Variants in LMF1 observed in about 807,000 individuals in gnomAD.
LMF1 encodes transmembrane protein 112.
A neutral mutation model predicts 60.6 loss-of-function variants in LMF1; 68 were observed. The ratio of observed to expected loss-of-function variants is 1.12; its 90% CI spans 0.92 to 1.37. The LOEUF is 1.37. LMF1 is among the 40% of genes most tolerant of loss of function. The pLI, the probability that LMF1 is intolerant of heterozygous loss-of-function variation, is 0.00. For synonymous variants in LMF1, 418 were observed against 324.7 expected (o/e 1.29, Z -3.09); for missense variants, 948 against 767.2 (o/e 1.24, Z -2.78).
chr16:877,950 A>G (rs889470514), intron 6 of LMF1, among the ~76,000 whole-genome samples: 2 of 152,072 alleles, frequency 1.3e-5, no homozygotes, highest in Non-Finnish European at 2.9e-5. Flanking sequence ...AAAAGAAGTC[A>G]CCTCAGAGCT....
intron 1 of LMF1, chr16:976,392 A>G (rs989137245): frequency 2.2e-6 from 1 of 454,006 alleles, no homozygotes; most frequent in Non-Finnish European, 4.4e-6. Flanking sequence ...TGTACACGGC[A>G]CAGCTGTACT....
intron 4 of LMF1, among the ~76,000 whole-genome samples, chr16:909,298 C>A (rs1359175013): frequency 6.6e-6 from 1 of 152,052 alleles, no homozygotes; most frequent in African/African-American, 2.4e-5. Context: ...GGACAGAGCC[C>A]CGAGCTGAAC....
At chr16:857,050 C>T (rs963510996) in intron 10 of LMF1, among the ~76,000 whole-genome samples, 8 of 152,356 alleles carry the variant, frequency 5.3e-5, no homozygotes, top group Non-Finnish European at 8.8e-5. Flanking sequence ...GCGGGGCAGG[C>T]GATTCTCACG....
intron 10 of LMF1, among the ~76,000 whole-genome samples, chr16:858,824 G>C (rs1596828997): frequency 1.1e-5 from 1 of 94,938 alleles, no homozygotes; most frequent in Non-Finnish European, 2.0e-5. Context: ...ACGGGTGTGA[G>C]TGGTGTCACG....
intron 4 of LMF1, among the ~76,000 whole-genome samples, chr16:893,846 A>C (rs1166807410): frequency 6.6e-6 from 1 of 152,106 alleles, no homozygotes; most frequent in African/African-American, 2.4e-5. Flanking sequence ...GCTGAGACAC[A>C]GATTCACATC....
chr16:855,775 G>A (rs1388521907), intron 10 of LMF1: 3 of 456,034 alleles, frequency 6.6e-6, no homozygotes, highest in African/African-American at 4.0e-5. Context: ...GCTTCACACT[G>A]CACCAGGGCC....
intron 1 of LMF1, among the ~76,000 whole-genome samples, chr16:978,452 T>C (rs1314264867): frequency 6.6e-6 from 1 of 152,080 alleles, no homozygotes; most frequent in Non-Finnish European, 1.5e-5. Context: ...CCCCAGGCCA[T>C]CCCTGCACCA....
chr16:980,253 T>A (rs536285480), intron 1 of LMF1: 1 of 163,130 alleles, frequency 6.1e-6, no homozygotes, highest in East Asian at 1.8e-4. Flanking sequence ...TTGTTCCCAA[T>A]GCAAAGCAGC....
chr16:967,007 A>G (rs1056169360), intron 1 of LMF1, among the ~76,000 whole-genome samples: 14 of 152,232 alleles, frequency 9.2e-5, no homozygotes, highest in African/African-American at 3.4e-4. Flanking sequence ...AGGAGAACCC[A>G]CCCAGGGTGG....
chr16:977,947 CACACACACCACACACCAT>C (rs2073203592), intron 1 of LMF1, among the ~76,000 whole-genome samples: 1 of 114,490 alleles, frequency 8.7e-6, no homozygotes, highest in Admixed American at 8.8e-5. Context: ...CATACACACG[CACACACACCACACACCAT>C]ACACACACCC....
chr16:879,561 C>T lies in LMF1; in HGVS notation c.897+9G>A, dbSNP rs147735548. The T allele has an allele frequency of 6.7e-4, 1,073 of 1,611,672 alleles. No homozygotes were observed. The highest frequency in any genetic ancestry group is 8.4e-4 in the Non-Finnish European group (994 of 1,179,236). On this transcript the variant is annotated intron_variant, in intron 6 of 10. Coordinates refer to ENST00000262301, the MANE Select transcript of LMF1 (RefSeq NM_022773.4). ...TGGACACGGGGCAGGGCGGGCGGCG[C>T]GGGCTCACCTGGAACAGGATCTGCA...
At chr16:860,526 AGACGG>A (rs1232123676) in intron 10 of LMF1, among the ~76,000 whole-genome samples, 1 of 151,994 alleles carries the variant, frequency 6.6e-6, no homozygotes, top group Non-Finnish European at 1.5e-5. Flanking sequence ...TTTTTAGTAG[AGACGG>A]GGTTTTGCCA....
At chr16:924,813 C>G (rs901440265) in intron 3 of LMF1, among the ~76,000 whole-genome samples, 1 of 152,230 alleles carries the variant, frequency 6.6e-6, no homozygotes, top group East Asian at 1.9e-4. Context: ...TTTTAAAATT[C>G]TGATAGATAA....
chr16:869,386 G>A (rs1263680424), intron 9 of LMF1: 1 of 593,020 alleles, frequency 1.7e-6, no homozygotes, highest in Non-Finnish European at 3.2e-6. Flanking sequence ...GACAGAAACA[G>A]CAGCTCTGTC....
intron 1 of LMF1, among the ~76,000 whole-genome samples, chr16:958,764 G>C (rs1443266566): frequency 6.6e-6 from 1 of 152,132 alleles, no homozygotes; most frequent in East Asian, 1.9e-4. Flanking sequence ...GTGCACACCT[G>C]GAATCCCAGC....
At chr16:855,089 G>A (rs1021512257) in intron 10 of LMF1, 2 of 335,202 alleles carry the variant, frequency 6.0e-6, no homozygotes, top group Non-Finnish European at 1.1e-5. Context: ...GCCTGGGAAG[G>A]TGGGGAGAGG....
chr16:953,321 ACACC>A (rs1160236619), intron 2 of LMF1, among the ~76,000 whole-genome samples: 2 of 72,018 alleles, frequency 2.8e-5, no homozygotes, highest in Non-Finnish European at 6.2e-5. Context: ...GTCCACACAG[ACACC>A]CACCCCAAAC....
At chr16:963,328 C>T (rs2072852981) in intron 1 of LMF1, among the ~76,000 whole-genome samples, 1 of 152,136 alleles carries the variant, frequency 6.6e-6, no homozygotes, top group South Asian at 2.1e-4. Flanking sequence ...GCAGGGACCG[C>T]ACCAGCAGCT....
chr16:873,152 A>C (rs913652629), intron 6 of LMF1: 1 of 152,264 alleles, frequency 6.6e-6, no homozygotes, highest in Non-Finnish European at 1.5e-5. Flanking sequence ...CTCGCCCTCC[A>C]TCTGGTCGGC....
Sources: gnomAD v4.1 joint callset for allele counts (sites outside exome capture counted in the v4.1 genomes callset) on GRCh38, gnomAD v4.1.1 for gene constraint, MANE v1.5 for transcripts, NCBI Gene and HGNC (gene_info 2026-07-23, HGNC 2026-07-21) for gene names.